LAMA2: variants seen among roughly 807,000 people sequenced by gnomAD.
LAMA2 encodes laminin subunit alpha 2.
Under a neutral mutation model 364.8 loss-of-function variants are expected in LAMA2, and 269 were observed. The ratio of observed to expected loss-of-function variants is 0.74; its 90% CI spans 0.67 to 0.82. The LOEUF (loss-of-function observed/expected upper bound fraction) is 0.82, where lower values mean the gene tolerates loss of function less well. Among genes scored for constraint, LAMA2 ranks in the 40% least tolerant of loss-of-function variants. LAMA2 has a pLI of 0.00. For missense variants in LAMA2, 3,807 were observed against 3,873.2 expected (o/e 0.98, Z 0.45); for synonymous variants, 1,379 against 1,370.6 (o/e 1.01, Z -0.14).
intron 4 of LAMA2, among the ~76,000 whole-genome samples, chr6:129,105,719 G>A (rs1223930648): frequency 6.6e-6 from 1 of 152,134 alleles, no homozygotes; most frequent in Non-Finnish European, 1.5e-5. Context: ...TTTGAGTTGA[G>A]CAAATAAACT....
At chr6:129,465,648 A>C (rs1432857516) in intron 51 of LAMA2, among the ~76,000 whole-genome samples, 1 of 151,896 alleles carries the variant, frequency 6.6e-6, no homozygotes, top group Non-Finnish European at 1.5e-5. Context: ...AGTGGAATCT[A>C]TAGGAGTGGT....
intron 56 of LAMA2, among the ~76,000 whole-genome samples, chr6:129,487,107 T>G (rs1194551670): frequency 6.6e-6 from 1 of 152,172 alleles, no homozygotes. Flanking sequence ...GTGCATATCT[T>G]GTCCCTGTCC....
At chr6:129,009,876 A>C (rs1784660141) in intron 1 of LAMA2, among the ~76,000 whole-genome samples, 1 of 152,186 alleles carries the variant, frequency 6.6e-6, no homozygotes, top group African/African-American at 2.4e-5. Context: ...TTTCTTGATT[A>C]TATGGCAGGA....
At chr6:129,263,567 C>T (rs533162220) in intron 15 of LAMA2, among the ~76,000 whole-genome samples, 2 of 152,038 alleles carry the variant, frequency 1.3e-5, no homozygotes, top group South Asian at 4.2e-4. Flanking sequence ...GTGGCTGGAG[C>T]CTTGTAAGCA....
chr6:129,315,689 A>G, intron 25 of LAMA2, 34 bp downstream of exon 25: 1 of 1,612,010 alleles, frequency 6.2e-7, no homozygotes, highest in South Asian at 1.1e-5. Flanking sequence ...AAGTGAGAAC[A>G]AGATAAAATC....
chr6:129,143,471 AG>A (rs1474084149), intron 4 of LAMA2, among the ~76,000 whole-genome samples: 7 of 152,052 alleles, frequency 4.6e-5, no homozygotes, highest in Non-Finnish European at 8.8e-5. Context: ...AATTATTTTA[AG>A]TTCCTAATGG....
chr6:129,341,943 G>T (rs577175837), intron 29 of LAMA2, among the ~76,000 whole-genome samples: 1 of 152,346 alleles, frequency 6.6e-6, no homozygotes, highest in East Asian at 1.9e-4. Flanking sequence ...AGTATTTGTA[G>T]CACCTTTTTC....
intron 8 of LAMA2, 53 bp downstream of exon 8, chr6:129,154,736 A>G: frequency 7.2e-7 from 1 of 1,385,042 alleles, no homozygotes; most frequent in South Asian, 1.2e-5. Flanking sequence ...TTTTCATACA[A>G]AAATGTTTTA....
intron 20 of LAMA2, among the ~76,000 whole-genome samples, chr6:129,292,014 T>C (rs184901447): frequency 4.7e-4 from 72 of 152,364 alleles, no homozygotes; most frequent in Admixed American, 1.4e-3. Flanking sequence ...TCTGTGGAGA[T>C]ACTCTTTCCT....
chr6:129,066,038 G>GTATGTCTTTTTTTTT lies in LAMA2; in HGVS notation c.396+6143_396+6144insATGTCTTTTTTTTTT, dbSNP rs59543848. Among the ~76,000 whole-genome samples, 23 of 37,118 alleles carry GTATGTCTTTTTTTTT rather than the reference G, an allele frequency of 6.2e-4. 2 individuals are homozygous for GTATGTCTTTTTTTTT. Among genetic ancestry groups the GTATGTCTTTTTTTTT allele is most frequent in the African/African-American group, 6.8e-4 (8 of 11,704 alleles). The allele number at this position is 37,118 out of a possible 152,430, so 24.4% of individuals were successfully genotyped here. On this transcript the variant is annotated intron_variant, in intron 3 of 64. Coordinates refer to ENST00000421865, the MANE Select transcript of LAMA2 (RefSeq NM_000426.4). ...TCTTTTGTAAATTGCCCAGTCTCAG[G>GTATGTCTTTTTTTTT]TTTTTTTTTTTTTTTTTTTTTTTTT...
At chr6:129,279,699 G>A (rs1349010821) in intron 17 of LAMA2, among the ~76,000 whole-genome samples, 1 of 152,154 alleles carries the variant, frequency 6.6e-6, no homozygotes, top group Non-Finnish European at 1.5e-5. Flanking sequence ...TTCAAATTCA[G>A]AGGGATTTGG....
intron 53 of LAMA2, among the ~76,000 whole-genome samples, chr6:129,476,100 G>A (rs963036592): frequency 6.6e-6 from 1 of 152,110 alleles, no homozygotes; most frequent in South Asian, 2.1e-4. Context: ...GTGAGCAATG[G>A]GCCTCCATAA....
chr6:129,112,564 AT>A (rs1185186183), intron 4 of LAMA2, among the ~76,000 whole-genome samples: 1 of 151,940 alleles, frequency 6.6e-6, no homozygotes. Context: ...ACATTTAGCT[AT>A]TTTTTTCAAT....
chr6:129,514,516 C>T lies in LAMA2; in HGVS notation c.9132C>T (p.Asn3044=), dbSNP rs1435682962. 6.2e-7 allele frequency: 1 copy of T among 1,614,000 alleles called. No individual in the cohort carries two copies. The highest frequency in any genetic ancestry group is 8.5e-7 in the Non-Finnish European group (1 of 1,180,010). ...GCATTGAGCTCACAGTCGATGGGAA[C>T]CAGGTGGAAGCCCAAAGCCCAAACC... is the stretch of plus-strand genomic sequence containing the variant. ...KHRIELTVDG[N]QVEAQSPNPA... Residue 3044 remains asparagine, a synonymous_variant, in exon 64 of 65, where the codon AAC becomes AAT. Transcript: ENST00000421865.
intron 1 of LAMA2, among the ~76,000 whole-genome samples, chr6:128,994,018 C>T (rs2114666008): frequency 6.6e-6 from 1 of 152,210 alleles, no homozygotes; most frequent in South Asian, 2.1e-4. Context: ...AATGTTGTGT[C>T]AATGCCATGA....
At chr6:128,975,490 T>C (rs1782471717) in intron 1 of LAMA2, among the ~76,000 whole-genome samples, 1 of 152,102 alleles carries the variant, frequency 6.6e-6, no homozygotes, top group Non-Finnish European at 1.5e-5. Context: ...GCTTGGAATA[T>C]AAAGTGTGGG....
rs1030173202 is a variant in LAMA2 at position 128,925,492 on chromosome 6, C to A, written c.112+42135C>A. On this transcript the variant is annotated intron_variant, in intron 1 of 64. Transcript: ENST00000421865. ...CAGAAAGTATAATGGTGATTACTAG[C>A]GGCTGCAGGGAGAGAGGAATAGGGA... Among the ~76,000 whole-genome samples, 3 of 152,066 alleles carry A rather than the reference C, an allele frequency of 2.0e-5. No homozygotes were observed. The South Asian group carries it at 6.2e-4, about 32-fold the overall frequency.
Position 129,316,162 on chromosome 6 carries a change from GACAAA to G in LAMA2, c.4050_4054del (p.Ser1352AspfsTer3). On this transcript the variant is annotated frameshift_variant, in exon 27 of 65. Transcript: ENST00000421865. LOFTEE classifies it high-confidence loss of function. ...AAAGCTACTTATGGAAATTTCATGCGACAAAGCAGGTAAACTCTAATAGAAAATAT... is the reference window on the plus strand; with the variant it reads ...AAAGCTACTTATGGAAATTTCATGCGGCAGGTAAACTCTAATAGAAAATAT... The G allele has an allele frequency of 6.2e-7, 1 of 1,603,242 alleles. No individual in the cohort carries two copies. Among genetic ancestry groups the G allele is most frequent in the Non-Finnish European group, 8.5e-7 (1 of 1,171,770 alleles).
In LAMA2 at chr6:129,502,733, C is replaced by T; in HGVS notation, c.8319C>T (p.His2773=). 1 of 1,613,868 alleles carries T rather than the reference C, an allele frequency of 6.2e-7. No individual in the cohort carries two copies. ...AGTTCGGGCTTTCAAGAAACAGTCA[C>T]ATTGCAATTGCATTTGATGACACCA... ...SKQFGLSRNS[H]IAIAFDDTKV... The change falls in exon 59 of 65, where the codon CAC becomes CAT. Residue 2773 remains histidine (H), a synonymous_variant. Transcript: ENST00000421865.
Sources: gnomAD v4.1 joint callset for allele counts (sites outside exome capture counted in the v4.1 genomes callset) on GRCh38, gnomAD v4.1.1 for gene constraint, MANE v1.5 for transcripts, NCBI Gene and HGNC (gene_info 2026-07-23, HGNC 2026-07-21) for gene names.